RPTOR: variants seen among roughly 807,000 people sequenced by gnomAD.
The protein encoded by RPTOR is regulatory-associated protein of mTOR.
A neutral mutation model predicts 169.9 loss-of-function variants in RPTOR; 21 were observed. The observed-to-expected ratio is 0.12, with a 90% confidence interval of 0.09 to 0.18. The LOEUF (loss-of-function observed/expected upper bound fraction) is 0.18, where lower values mean the gene tolerates loss of function less well. RPTOR is among the 10% of genes least tolerant of loss of function. The pLI is 1.00. For synonymous variants in RPTOR, 732 were observed against 753.2 expected, an observed-to-expected ratio of 0.97 and a Z score of 0.46; for missense variants, 1,133 against 1,855.9, an observed-to-expected ratio of 0.61 and a Z score of 7.16.
Position 80,756,869 on chromosome 17 carries a change from T to C in RPTOR, c.830+2684T>C, listed in dbSNP as rs149388332. On this transcript the variant is annotated intron_variant, in intron 6 of 33. Transcript: ENST00000306801. Reference sequence around the variant, plus strand: ...AATACAAAAAAAATTTGTTATAAATTACTCAGTCTGTCGTAGTCTATTATA... The same window carrying C: ...AATACAAAAAAAATTTGTTATAAATCACTCAGTCTGTCGTAGTCTATTATA... Among the ~76,000 whole-genome samples, 17 of 152,288 alleles carry C rather than the reference T, an allele frequency of 1.1e-4. No homozygotes were observed. In the East Asian group the frequency reaches 3.3e-3, roughly 29 times the overall value.
At position 80,911,631 on chromosome 17, in the gene RPTOR, G is replaced by A. The variant is rs141046442; in HGVS notation, c.2520+2702G>A. On this transcript the variant is annotated intron_variant, in intron 21 of 33. Transcript: ENST00000306801. The stretch of plus-strand genomic sequence containing the variant: ...GAAACCCCGTCTCTACAAAATAGTA[G>A]CAAGTTAGCCGGGCACGGTGGCAAG... Among the ~76,000 whole-genome samples, 167 of 152,056 alleles carry A rather than the reference G, an allele frequency of 1.1e-3. No homozygotes were observed. The Middle Eastern group carries it at 0.014, about 12-fold the overall frequency.
At chr17:80,617,623 C>T (rs886520053) in intron 1 of RPTOR, among the ~76,000 whole-genome samples, 13 of 152,176 alleles carry the variant, frequency 8.5e-5, no homozygotes, top group Non-Finnish European at 1.6e-4. Context: ...CAGCAGATCA[C>T]GTATTTTTGC....
intron 9 of RPTOR, among the ~76,000 whole-genome samples, chr17:80,828,932 T>A (rs1043737110): frequency 6.6e-6 from 1 of 152,192 alleles, no homozygotes; most frequent in African/African-American, 2.4e-5. Context: ...AACACCAAAT[T>A]GCATCAGCAA....
rs796854498 is a variant in RPTOR, at chr17:80,777,235, C to CA, written c.831-14202dup. Among the ~76,000 whole-genome samples the CA allele has an allele frequency of 5.2e-3, 629 of 122,028 alleles. 4 individuals carry two copies. Among genetic ancestry groups the CA allele is most frequent in the African/African-American group, 0.014 (458 of 32,488 alleles). The allele number at this position is 122,028 out of a possible 152,430, so 80.1% of individuals were successfully genotyped here. Reference sequence around the variant, plus strand: ...TCTTGGCAACAGAGCAAGACCCTCTCAAAAAAAAAAAAAGAAAAAAGAAAG... The same window carrying CA: ...TCTTGGCAACAGAGCAAGACCCTCTCAAAAAAAAAAAAAAGAAAAAAGAAAG... On this transcript the variant is annotated intron_variant, in intron 6 of 33. Coordinates refer to ENST00000306801, the MANE Select transcript of RPTOR (RefSeq NM_020761.3).
At chr17:80,954,719 C>G (rs966829731) in intron 28 of RPTOR, among the ~76,000 whole-genome samples, 1 of 152,204 alleles carries the variant, frequency 6.6e-6, no homozygotes, top group African/African-American at 2.4e-5. Context: ...TAGTTCAAGA[C>G]CAGCCTGACC....
intron 1 of RPTOR, among the ~76,000 whole-genome samples, chr17:80,548,706 T>C (rs1297729856): frequency 1.3e-5 from 2 of 152,044 alleles, no homozygotes; most frequent in Non-Finnish European, 2.9e-5. Context: ...GTTACCTACG[T>C]AAGAATCTCT....
chr17:80,747,621 T>C (rs148687157), intron 5 of RPTOR, among the ~76,000 whole-genome samples: 1 of 152,356 alleles, frequency 6.6e-6, no homozygotes, highest in African/African-American at 2.4e-5. Flanking sequence ...CCAGGAGGCA[T>C]TGGGCCAAGC....
At chr17:80,700,685 GTGGTGA>G (rs1428422121) in intron 3 of RPTOR, among the ~76,000 whole-genome samples, 5 of 57,166 alleles carry the variant, frequency 8.7e-5, no homozygotes, top group Admixed American at 1.9e-4. Flanking sequence ...GATGGAGGTG[GTGGTGA>G]TGGTGATGGT....
At chr17:80,903,113 A>G (rs1272765458) in intron 20 of RPTOR, among the ~76,000 whole-genome samples, 1 of 152,178 alleles carries the variant, frequency 6.6e-6, no homozygotes, top group Non-Finnish European at 1.5e-5. Context: ...GGACTAATGC[A>G]AGGGAGGGGA....
intron 5 of RPTOR, among the ~76,000 whole-genome samples, chr17:80,753,631 T>C (rs1320299387): frequency 8.5e-5 from 1 of 11,824 alleles, no homozygotes; most frequent in Admixed American, 1.3e-3. Flanking sequence ...AAACTCCGTC[T>C]CAAAAAAAAA....
chr17:80,838,374 G>A (rs1393846705), intron 10 of RPTOR, among the ~76,000 whole-genome samples: 2 of 152,112 alleles, frequency 1.3e-5, no homozygotes, highest in African/African-American at 4.8e-5. Flanking sequence ...ACCCACGGGG[G>A]GTTTGGTGCT....
At position 80,616,298 on chromosome 17, in the gene RPTOR, C is replaced by CTTTTT. The variant is rs201229448; in HGVS notation, c.163-9376_163-9372dup. Among the ~76,000 whole-genome samples, 923 of 113,218 alleles carry CTTTTT rather than the reference C, an allele frequency of 8.2e-3. 82 individuals are homozygous for CTTTTT. The highest frequency in any genetic ancestry group is 0.028 in the African/African-American group (724 of 26,158). 74.3% of individuals were successfully genotyped at this position (113,218 alleles called of 152,430 possible). ...AATCCATTTATTGAAAATTGAAAAT[C>CTTTTT]TTTTTTTTTTTTTTTTTTTTTGAGA... On this transcript the variant is annotated intron_variant, in intron 1 of 33. Transcript: ENST00000306801.
intron 1 of RPTOR, among the ~76,000 whole-genome samples, chr17:80,583,250 G>A (rs4584879): frequency 0.19 from 27,592 of 144,204 alleles, 2,929 homozygotes; most frequent in East Asian, 0.27. Context: ...GTGCAGTGGC[G>A]CGATCACCGC....
chr17:80,838,019 C>G (rs1296155289), intron 10 of RPTOR, 22 bp downstream of exon 10: 3 of 1,596,646 alleles, frequency 1.9e-6, no homozygotes, highest in Non-Finnish European at 1.7e-6. Flanking sequence ...CAAGGGCACC[C>G]TGTGCATCCG....
At chr17:80,764,927 A>T (rs911888409) in intron 6 of RPTOR, among the ~76,000 whole-genome samples, 2 of 152,220 alleles carry the variant, frequency 1.3e-5, no homozygotes, top group African/African-American at 4.8e-5. Flanking sequence ...TAAAACTGAT[A>T]AAATACTCAC....
At chr17:80,842,390 TC>T (rs1278064581) in intron 10 of RPTOR, among the ~76,000 whole-genome samples, 1 of 152,272 alleles carries the variant, frequency 6.6e-6, no homozygotes, top group East Asian at 1.9e-4. Flanking sequence ...GGCCAAGGCC[TC>T]CCCTTCCTGG....
At chr17:80,851,081 A>G (rs1346056016) in intron 11 of RPTOR, among the ~76,000 whole-genome samples, 1 of 152,212 alleles carries the variant, frequency 6.6e-6, no homozygotes, top group Non-Finnish European at 1.5e-5. Context: ...TGCATGTGCC[A>G]TCATGCCCGG....
intron 13 of RPTOR, among the ~76,000 whole-genome samples, chr17:80,872,829 A>T (rs1187810259): frequency 6.6e-6 from 1 of 152,118 alleles, no homozygotes; most frequent in Non-Finnish European, 1.5e-5. Flanking sequence ...GGCTGTGCCG[A>T]GGGCGACCAC....
intron 20 of RPTOR, among the ~76,000 whole-genome samples, chr17:80,903,065 G>C (rs1293465987): frequency 6.6e-6 from 1 of 152,212 alleles, no homozygotes; most frequent in African/African-American, 2.4e-5. Flanking sequence ...ATTTTTTACG[G>C]TTTTGAAAAT....
Sources: gnomAD v4.1 joint callset for allele counts (sites outside exome capture counted in the v4.1 genomes callset) on GRCh38, gnomAD v4.1.1 for gene constraint, MANE v1.5 for transcripts, NCBI Gene and HGNC (gene_info 2026-07-23, HGNC 2026-07-21) for gene names.